FCHO2: variants seen among roughly 807,000 people sequenced by gnomAD.
FCHO2 encodes FCH and mu domain containing endocytic adaptor 2, also known as F-BAR domain only protein 2.
In FCHO2, 43 loss-of-function variants were observed where a neutral mutation model predicts 114.1. That is an observed-to-expected ratio of 0.38 (90% CI 0.30 to 0.49). FCHO2 has a LOEUF of 0.49. Ranked by LOEUF, FCHO2 falls within the 20% of genes least tolerant of loss-of-function variation. FCHO2 has a pLI of 0.97. For missense variants in FCHO2, 807 were observed against 950.4 expected, an observed-to-expected ratio of 0.85 and a Z score of 1.98; for synonymous variants, 293 against 315.2, an observed-to-expected ratio of 0.93 and a Z score of 0.75.
chr5:72,985,167 CTT>C (rs569207173), intron 2 of FCHO2, among the ~76,000 whole-genome samples: 2 of 145,686 alleles, frequency 1.4e-5, no homozygotes, highest in Admixed American at 1.4e-4. Context: ...CTATTCAGTA[CTT>C]TTTTTTTTTT....
At chr5:73,011,626 T>C (rs1375534520) in intron 6 of FCHO2, among the ~76,000 whole-genome samples, 1 of 152,090 alleles carries the variant, frequency 6.6e-6, no homozygotes. Flanking sequence ...AACTATCATC[T>C]CTGGCTGGAC....
At chr5:73,017,723 G>A (rs187662881) in intron 8 of FCHO2, among the ~76,000 whole-genome samples, 1 of 152,180 alleles carries the variant, frequency 6.6e-6, no homozygotes, top group African/African-American at 2.4e-5. Flanking sequence ...GACCAACGTA[G>A]AACCTTTCTT....
chr5:73,001,228 C>G (rs1364223023), intron 5 of FCHO2, among the ~76,000 whole-genome samples: 1 of 151,988 alleles, frequency 6.6e-6, no homozygotes, highest in Non-Finnish European at 1.5e-5. Flanking sequence ...GAGACCCCAT[C>G]TCTACAAAAA....
At chr5:73,009,627 C>T (rs947145223) in intron 6 of FCHO2, among the ~76,000 whole-genome samples, 4 of 152,188 alleles carry the variant, frequency 2.6e-5, no homozygotes, top group African/African-American at 9.6e-5. Flanking sequence ...GCCTTTTTGC[C>T]TCCCAGGCTA....
In FCHO2 at chr5:73,090,132, C is replaced by T. The variant is rs1035739767; in HGVS notation, c.*2042C>T. On this transcript the variant is annotated 3_prime_UTR_variant, in exon 26 of 26. Transcript: ENST00000430046. The stretch of plus-strand genomic sequence containing the variant: ...AATTAGTGAAATGGTTAAACTTCTG[C>T]ACTTTCTTAGTTACCACAGTCTTCA... 1.3e-5 allele frequency: 2 copies of T among 152,536 alleles called. No individual in the cohort carries two copies. Among genetic ancestry groups the T allele is most frequent in the Admixed American group, 6.5e-5 (1 of 15,272 alleles). The allele number at this position is 152,536 out of a possible 1,614,324, so 9.4% of individuals were successfully genotyped here. A position where few individuals can be genotyped will look rare whatever the true frequency, so the allele number is the denominator to read the frequency against.
Position 73,004,727 on chromosome 5 carries a change from T to A in FCHO2, c.496-1718T>A, listed in dbSNP as rs534965285. Among the ~76,000 whole-genome samples the A allele has an allele frequency of 5.9e-5, 9 of 152,258 alleles. No homozygotes were observed. The East Asian group carries it at 1.2e-3, about 20-fold the overall frequency. ...CAGATGGGTAGTGCAGTGCTGAGAT[T>A]TCACTTTCCTTGGTTTCAGTTACCT... On this transcript the variant is annotated intron_variant, in intron 5 of 25. Transcript: ENST00000430046.
chr5:72,962,380 C>G (rs1260719520), intron 1 of FCHO2, among the ~76,000 whole-genome samples: 1 of 152,160 alleles, frequency 6.6e-6, no homozygotes, highest in African/African-American at 2.4e-5. Flanking sequence ...AACAGTTATG[C>G]TTTAAATCAT....
intron 18 of FCHO2, among the ~76,000 whole-genome samples, chr5:73,066,731 C>A (rs891381274): frequency 1.3e-5 from 2 of 151,866 alleles, no homozygotes; most frequent in Non-Finnish European, 2.9e-5. Flanking sequence ...ACGTGCAGTA[C>A]CAGATCAGTA....
intron 9 of FCHO2, among the ~76,000 whole-genome samples, chr5:73,035,463 A>T (rs1389887324): frequency 6.6e-6 from 1 of 152,006 alleles, no homozygotes; most frequent in Non-Finnish European, 1.5e-5. Flanking sequence ...CATCTGTAAG[A>T]TGAGGGGCTA....
In FCHO2 at chr5:73,090,189, A is replaced by T. The variant is rs1218240446; in HGVS notation, c.*2099A>T. 1 of 152,616 alleles carries T rather than the reference A, an allele frequency of 6.6e-6. No homozygotes were observed. Among genetic ancestry groups the T allele is most frequent in the African/African-American group, 2.4e-5 (1 of 41,448 alleles). The allele number at this position is 152,616 out of a possible 1,614,324, so 9.5% of individuals were successfully genotyped here. Reference sequence around the variant, plus strand: ...GTATTGGGTACAGGTTACAATTTTGAAGCCATATGAGTTTATATTGATTTT... The same window carrying T: ...GTATTGGGTACAGGTTACAATTTTGTAGCCATATGAGTTTATATTGATTTT... On this transcript the variant is annotated 3_prime_UTR_variant, in exon 26 of 26. Transcript: ENST00000430046.
At position 72,956,086 on chromosome 5, in the gene FCHO2, G is replaced by A. The variant is rs1357405807; in HGVS notation, c.-11G>A. Reference sequence around the variant, plus strand: ...GGGCGCGGACGCGGAACCCGGCGCGGCGGCGGCACGATGGTCATGGCGTAT... The same window carrying A: ...GGGCGCGGACGCGGAACCCGGCGCGACGGCGGCACGATGGTCATGGCGTAT... On this transcript the variant is annotated 5_prime_UTR_variant, in exon 1 of 26. Coordinates refer to ENST00000430046, the MANE Select transcript of FCHO2 (RefSeq NM_138782.3). 1.3e-6 allele frequency: 2 copies of A among 1,540,604 alleles called. No homozygotes were observed. The highest frequency in any genetic ancestry group is 4.0e-5 in the Admixed American group (2 of 50,058).
intron 6 of FCHO2, 44 bp downstream of exon 6, chr5:73,006,593 T>G: frequency 1.0e-5 from 13 of 1,243,522 alleles, no homozygotes; most frequent in Non-Finnish European, 1.4e-5. Context: ...GCATTTATAT[T>G]TGTGTATATT....
intron 5 of FCHO2, among the ~76,000 whole-genome samples, chr5:72,991,313 C>T (rs1298844686): frequency 6.6e-6 from 1 of 152,210 alleles, no homozygotes; most frequent in African/African-American, 2.4e-5. Flanking sequence ...ATCCGCCCAC[C>T]TTGGCCTCCC....
At chr5:72,957,185 A>G (rs1443747169) in intron 1 of FCHO2, among the ~76,000 whole-genome samples, 2 of 152,136 alleles carry the variant, frequency 1.3e-5, no homozygotes, top group African/African-American at 4.8e-5. Flanking sequence ...GAACGTATAT[A>G]CTAGACCTTA....
chr5:72,986,919 G>A (rs1297709596), intron 2 of FCHO2, among the ~76,000 whole-genome samples: 4 of 139,624 alleles, frequency 2.9e-5, no homozygotes, highest in South Asian at 4.4e-4. Context: ...TCACTCTGTC[G>A]CCCAGCTGGA....
At chr5:73,054,702 A>G (rs1580174987) in intron 15 of FCHO2, among the ~76,000 whole-genome samples, 153 bp downstream of exon 15, 1 of 152,196 alleles carries the variant, frequency 6.6e-6, no homozygotes. Context: ...AATAGAAAAC[A>G]GCGTATCTAT....
chr5:72,963,842 C>T (rs1375967325), intron 1 of FCHO2, among the ~76,000 whole-genome samples: 5 of 151,260 alleles, frequency 3.3e-5, no homozygotes, highest in Admixed American at 3.3e-4. Context: ...TGAGCCACCA[C>T]ACCTGGCCAG....
chr5:72,972,381 C>G (rs1390469227), intron 2 of FCHO2, among the ~76,000 whole-genome samples: 3 of 151,970 alleles, frequency 2.0e-5, no homozygotes, highest in Non-Finnish European at 4.4e-5. Flanking sequence ...TTTCCTTGAG[C>G]AGTGGTTTGT....
At chr5:73,039,296 G>C (rs928466652) in intron 10 of FCHO2, among the ~76,000 whole-genome samples, 1 of 152,154 alleles carries the variant, frequency 6.6e-6, no homozygotes, top group Non-Finnish European at 1.5e-5. Flanking sequence ...AGCTTCATCT[G>C]CAGGTGTCAT....
Sources: gnomAD v4.1 joint callset for allele counts (sites outside exome capture counted in the v4.1 genomes callset) on GRCh38, gnomAD v4.1.1 for gene constraint, MANE v1.5 for transcripts, NCBI Gene and HGNC (gene_info 2026-07-23, HGNC 2026-07-21) for gene names.